PDE8B: variants seen among roughly 807,000 people sequenced by gnomAD.
PDE8B encodes phosphodiesterase 8B.
Under a neutral mutation model 101.3 loss-of-function variants are expected in PDE8B, and 26 were observed. The observed-to-expected ratio is 0.26, with a 90% confidence interval of 0.19 to 0.36. The LOEUF (loss-of-function observed/expected upper bound fraction) is 0.36, where lower values mean the gene tolerates loss of function less well. Ranked by LOEUF, PDE8B falls within the 10% of genes least tolerant of loss-of-function variation. The probability of loss-of-function intolerance (pLI) is 1.00; values close to 1 mark genes in which losing one functional copy is unlikely to be tolerated. For synonymous variants in PDE8B, 424 were observed against 429.3 expected, an observed-to-expected ratio of 0.99 and a Z score of 0.15; for missense variants, 810 against 1,163.1, an observed-to-expected ratio of 0.70 and a Z score of 4.42.
In PDE8B at chr5:77,418,221, T is replaced by TA; in HGVS notation, c.1912-7dup. 1 of 1,587,514 alleles carries TA rather than the reference T, an allele frequency of 6.3e-7. No homozygotes were observed. Among genetic ancestry groups the TA allele is most frequent in the Non-Finnish European group, 8.7e-7 (1 of 1,155,674 alleles). On this transcript the variant is annotated splice_region_variant and splice_polypyrimidine_tract_variant and intron_variant, in intron 17 of 21. Transcript: ENST00000264917. ...GGTAATGCTCAACCTTGCCTCCCCA[T>TA]ATCCCAGGGAAGCCTCGATCAGTTG... is the stretch of plus-strand genomic sequence containing the variant.
At position 77,303,569 on chromosome 5, in the gene PDE8B, AAAATAAATAAATAAAT is replaced by A. The variant is rs57327578; in HGVS notation, c.340-8407_340-8392del. ...GGGCAACAGAGCAAGACTCCATCTC[AAAATAAATAAATAAAT>A]AAATAAATAAATAAATAGGTCATTC... On this transcript the variant is annotated intron_variant, in intron 1 of 21. Coordinates refer to ENST00000264917, the MANE Select transcript of PDE8B (RefSeq NM_003719.5). 4.4e-3 allele frequency among the ~76,000 whole-genome samples: 662 copies of A among 148,764 alleles called. 4 individuals are homozygous for A. The highest frequency in any genetic ancestry group is 0.015 in the African/African-American group (607 of 40,258).
intron 16 of PDE8B, among the ~76,000 whole-genome samples, chr5:77,412,549 A>G (rs908448971): frequency 3.0e-5 from 4 of 133,860 alleles, no homozygotes; most frequent in East Asian, 2.3e-4. Flanking sequence ...TGAGAGCACT[A>G]TAGATTTTTT....
At chr5:77,094,984 C>T in the PDE8B span, among the ~76,000 whole-genome samples, 1 of 151,966 alleles carries the variant, frequency 6.6e-6, no homozygotes, top group Non-Finnish European at 1.5e-5. Context: ...TTGGAGGGGA[C>T]AGATATTCAA....
intron 12 of PDE8B, among the ~76,000 whole-genome samples, chr5:77,405,853 G>T (rs541129850): frequency 1.3e-5 from 2 of 152,192 alleles, no homozygotes; most frequent in Non-Finnish European, 2.9e-5. Context: ...GGGAGGACAC[G>T]TTCTGGGGTG....
intron 10 of PDE8B, among the ~76,000 whole-genome samples, chr5:77,389,410 A>G (rs981354122): frequency 1.3e-5 from 2 of 152,132 alleles, no homozygotes; most frequent in Non-Finnish European, 2.9e-5. Flanking sequence ...CCACTGCCCA[A>G]CCAGTCCCAA....
chr5:77,387,358 A>T (rs1788936023), intron 10 of PDE8B, among the ~76,000 whole-genome samples: 1 of 152,204 alleles, frequency 6.6e-6, no homozygotes, highest in African/African-American at 2.4e-5. Context: ...TTCTGGGTTG[A>T]AAATTCTTTT....
chr5:77,205,860 A>G (rs900706205), upstream of PDE8B, among the ~76,000 whole-genome samples: 2 of 152,116 alleles, frequency 1.3e-5, no homozygotes, highest in African/African-American at 4.8e-5. Flanking sequence ...AGTAATATTT[A>G]TATGTGATTT....
the PDE8B span, among the ~76,000 whole-genome samples, chr5:77,187,039 T>C: frequency 6.6e-6 from 1 of 152,222 alleles, no homozygotes; most frequent in African/African-American, 2.4e-5. Context: ...GTGGTTGTAA[T>C]GGATTTGTCT....
chr5:77,288,134 A>C (rs1766441245), intron 1 of PDE8B, among the ~76,000 whole-genome samples: 1 of 152,190 alleles, frequency 6.6e-6, no homozygotes, highest in African/African-American at 2.4e-5. Flanking sequence ...GAGTCAAAGA[A>C]CCATTTCGTC....
At chr5:77,121,095 C>T in the PDE8B span, among the ~76,000 whole-genome samples, 8 of 152,340 alleles carry the variant, frequency 5.3e-5, no homozygotes, top group South Asian at 4.1e-4. Flanking sequence ...TTACAACAAA[C>T]GAACAGCTAT....
At position 77,328,554 on chromosome 5, in the gene PDE8B, G is replaced by A. The variant is rs148308979; in HGVS notation, c.591-444G>A. Among the ~76,000 whole-genome samples, 11 of 151,992 alleles carry A rather than the reference G, an allele frequency of 7.2e-5. No homozygotes were observed. The East Asian group carries it at 1.7e-3, about 24-fold the overall frequency. On this transcript the variant is annotated intron_variant, in intron 3 of 21. Transcript: ENST00000264917. Reference sequence around the variant, plus strand: ...TTTGTACATCCAGCTGCCAGCAAGTGCTTTAATTTTTATCATAAGCTCAAC... The same window carrying A: ...TTTGTACATCCAGCTGCCAGCAAGTACTTTAATTTTTATCATAAGCTCAAC...
the PDE8B span, among the ~76,000 whole-genome samples, chr5:77,191,784 T>A: frequency 6.6e-6 from 1 of 152,208 alleles, no homozygotes; most frequent in African/African-American, 2.4e-5. Flanking sequence ...ACATTTATTG[T>A]GCACTTTATT....
chr5:77,194,109 T>G, the PDE8B span, among the ~76,000 whole-genome samples: 1 of 152,208 alleles, frequency 6.6e-6, no homozygotes, highest in Non-Finnish European at 1.5e-5. Flanking sequence ...CTTTCCCAGA[T>G]TGTATCTTTT....
the PDE8B span, among the ~76,000 whole-genome samples, chr5:77,174,280 T>C: frequency 6.6e-6 from 1 of 152,200 alleles, no homozygotes; most frequent in African/African-American, 2.4e-5. Flanking sequence ...ACCCTGTCTC[T>C]GTTTTTATGG....
In PDE8B at chr5:77,349,460, A is replaced by C; in HGVS notation, c.918A>C (p.Lys306Asn). The change falls in exon 8 of 22, where the codon AAA (lysine) becomes AAC (asparagine). Residue 306 changes from lysine to asparagine, a missense_variant. By Grantham distance (94) the Lys-to-Asn change is moderately conservative (BLOSUM62 0). Transcript: ENST00000264917. ...TCGAAAGGATGATGGGCTACCACAA[A>C]GGTGAGCTCCTGGGAAAAGAACTCG... ...PAFERMMGYH[K>N]GELLGKELAD... is the part of the protein sequence containing the mutation. The C allele has an allele frequency of 6.2e-7, 1 of 1,614,192 alleles. No individual in the cohort carries two copies. The highest frequency in any genetic ancestry group is 8.5e-7 in the Non-Finnish European group (1 of 1,180,024).
intron 10 of PDE8B, among the ~76,000 whole-genome samples, chr5:77,393,351 A>G (rs1287754028): frequency 1.3e-5 from 2 of 151,542 alleles, no homozygotes; most frequent in Admixed American, 6.6e-5. Flanking sequence ...CCAAGTTTGC[A>G]CCCACTGCTC....
chr5:77,325,137 C>CTGGTTA (rs1344054048), intron 2 of PDE8B, among the ~76,000 whole-genome samples: 2 of 148,002 alleles, frequency 1.4e-5, no homozygotes, highest in Non-Finnish European at 3.0e-5. Context: ...ACCAGTATAC[C>CTGGTTA]ATAGGCCTGG....
At chr5:77,401,257 T>TTCTC (rs1041757709) in intron 11 of PDE8B, among the ~76,000 whole-genome samples, 1 of 152,136 alleles carries the variant, frequency 6.6e-6, no homozygotes, top group Non-Finnish European at 1.5e-5. Flanking sequence ...CAGGTGCATT[T>TTCTC]TCTCTCTCTC....
intron 1 of PDE8B, among the ~76,000 whole-genome samples, chr5:77,267,146 A>G (rs1037277379): frequency 1.3e-5 from 2 of 152,136 alleles, no homozygotes; most frequent in Admixed American, 6.6e-5. Context: ...ACCACTCTTA[A>G]AAATAGCAAG....
Sources: gnomAD v4.1 joint callset for allele counts (sites outside exome capture counted in the v4.1 genomes callset) on GRCh38, gnomAD v4.1.1 for gene constraint, MANE v1.5 for transcripts, NCBI Gene and HGNC (gene_info 2026-07-23, HGNC 2026-07-21) for gene names.